Variants in CORO7 observed in about 807,000 individuals in gnomAD.
The protein encoded by CORO7 is coronin-7.
A neutral mutation model predicts 126.6 loss-of-function variants in CORO7; 107 were observed. The ratio of observed to expected loss-of-function variants is 0.85; its 90% CI spans 0.72 to 0.99. CORO7 has a LOEUF of 0.99. Among genes scored for constraint, CORO7 ranks in the 50% least tolerant of loss-of-function variants. The pLI is 0.00. For synonymous variants in CORO7, 603 were observed against 536.8 expected, an observed-to-expected ratio of 1.12 and a Z score of -1.70; for missense variants, 1,314 against 1,255.8, an observed-to-expected ratio of 1.05 and a Z score of -0.70.
intron 19 of CORO7, 90 bp downstream of exon 19, chr16:4,360,853 G>T: frequency 6.7e-7 from 1 of 1,502,236 alleles, no homozygotes; most frequent in Non-Finnish European, 8.9e-7. Context: ...CTCACTGCTG[G>T]CCCCGCCACT....
chr16:4,381,691 A>G, intron 9 of CORO7: 1 of 1,607,796 alleles, frequency 6.2e-7, no homozygotes, highest in Non-Finnish European at 8.5e-7. Context: ...GCTGGATGTG[A>G]GCAACCTAAG....
At chr16:4,413,597 G>A (rs539735312) in intron 1 of CORO7, 193 bp from the exon 2 acceptor site, 422 of 506,986 alleles carry the variant, frequency 8.3e-4, no homozygotes, top group Non-Finnish European at 1.4e-3. Flanking sequence ...GAGTGCAGTG[G>A]CGCGATCTTG....
chr16:4,362,667 G>C lies in CORO7; in HGVS notation c.1347C>G (p.Ser449=). 1.3e-6 allele frequency: 2 copies of C among 1,521,818 alleles called. No individual in the cohort carries two copies. The highest frequency in any genetic ancestry group is 1.8e-6 in the Non-Finnish European group (2 of 1,137,436). 94.3% of individuals were successfully genotyped at this position (1,521,818 alleles called of 1,614,324 possible). A position where few individuals can be genotyped will look rare whatever the true frequency, so the allele number is the denominator to read the frequency against. ...STPSSLGPSL[S]STSGIGTSPS... Reference sequence around the variant, plus strand: ...GGCTGGTCCCGATGCCACTGGTGCTGGAGAGTGAGGGCCCCAGGCTGGAGG... The same window carrying C: ...GGCTGGTCCCGATGCCACTGGTGCTCGAGAGTGAGGGCCCCAGGCTGGAGG... Residue 449 remains serine, a synonymous_variant, in exon 15 of 28, where the codon TCC becomes TCG. Transcript: ENST00000251166. The surrounding 1 kb of genome is among the most constrained non-coding windows in gnomAD (Gnocchi z 5.3).
intron 9 of CORO7, chr16:4,383,345 G>A (rs1361999282): frequency 2.2e-5 from 4 of 184,150 alleles, no homozygotes; most frequent in Non-Finnish European, 3.7e-5. Context: ...AAAAGAAACT[G>A]GAAAGGAAGA....
rs776568152 is a variant in CORO7 at position 4,405,527 on chromosome 16, C to G, written c.528G>C (p.Trp176Cys). ...TGCCCACCAGGGCTCCATCTCGGCT[C>G]CAGACGGCGCTCTGCACCAGGTCCC... is the stretch of plus-strand genomic sequence containing the variant. ...AHGDLVQSAV[W>C]SRDGALVGTA... The change falls in exon 6 of 28, where the codon TGG becomes TGC. Residue 176 changes from tryptophan to cysteine, a missense_variant. By Grantham distance (215) the Trp-to-Cys change is radical. Coordinates refer to ENST00000251166, the MANE Select transcript of CORO7 (RefSeq NM_024535.5). 19 of 1,613,000 alleles carry G rather than the reference C, an allele frequency of 1.2e-5. No homozygotes were observed. Among genetic ancestry groups the G allele is most frequent in the Middle Eastern group, 3.3e-4 (2 of 6,056 alleles).
At position 4,359,330 on chromosome 16, in the gene CORO7, T is replaced by A; in HGVS notation, c.2306A>T (p.Glu769Val). 9.9e-6 allele frequency: 16 copies of A among 1,612,380 alleles called. No homozygotes were observed. The highest frequency in any genetic ancestry group is 1.4e-5 in the Non-Finnish European group (16 of 1,179,608). Residue 769 changes from glutamate to valine, a missense_variant, in exon 23 of 28, where the codon GAG becomes GTG. Transcript: ENST00000251166. Reference sequence around the variant, plus strand: ...GTCAGGCGACGTGAAGCTGTTGCACTCCAGGAAGAAAGGGGACTCGGGGAG... The same window carrying A: ...GTCAGGCGACGTGAAGCTGTTGCACACCAGGAAGAAAGGGGACTCGGGGAG... ...ELLPESPFFL[E>V]CNSFTSPDPH...
At chr16:4,400,743 C>G (rs1177248741) in intron 6 of CORO7, among the ~76,000 whole-genome samples, 1 of 151,440 alleles carries the variant, frequency 6.6e-6, no homozygotes, top group African/African-American at 2.4e-5. Context: ...TCACTTGAAC[C>G]CAGAAGGCGG....
At chr16:4,411,722 G>T (rs894937409) in intron 3 of CORO7, among the ~76,000 whole-genome samples, 1 of 151,820 alleles carries the variant, frequency 6.6e-6, no homozygotes, top group African/African-American at 2.4e-5. Context: ...TCCCTCACCC[G>T]AAGGCCTCCA....
At chr16:4,411,857 C>T (rs2056223861) in intron 3 of CORO7, among the ~76,000 whole-genome samples, 1 of 151,922 alleles carries the variant, frequency 6.6e-6, no homozygotes. Context: ...TCCCTCGAGG[C>T]GGACAGCCTG....
intron 7 of CORO7, among the ~76,000 whole-genome samples, chr16:4,394,387 T>G (rs2055505682): frequency 6.7e-6 from 1 of 149,242 alleles, no homozygotes; most frequent in African/African-American, 2.5e-5. Context: ...AGGCGGAACT[T>G]GCAGTGAGCC....
At chr16:4,384,213 G>A (rs1289780802) in intron 9 of CORO7, among the ~76,000 whole-genome samples, 2 of 152,248 alleles carry the variant, frequency 1.3e-5, no homozygotes, top group African/African-American at 4.8e-5. Flanking sequence ...TGCAGACGGT[G>A]CCAGGATTGG....
chr16:4,392,853 G>A (rs967802503), intron 7 of CORO7, among the ~76,000 whole-genome samples: 26 of 152,200 alleles, frequency 1.7e-4, no homozygotes, highest in African/African-American at 6.0e-4. Flanking sequence ...ACCAGGGCCC[G>A]AGCACAGGCC....
intron 24 of CORO7, 39 bp downstream of exon 24, chr16:4,358,328 A>C: frequency 6.2e-7 from 1 of 1,601,786 alleles, no homozygotes; most frequent in Non-Finnish European, 8.5e-7. Flanking sequence ...AGGCACCGAG[A>C]AGGCGGTGGG....
intron 9 of CORO7, among the ~76,000 whole-genome samples, chr16:4,378,795 G>A (rs553086309): frequency 1.7e-4 from 26 of 151,978 alleles, no homozygotes; most frequent in African/African-American, 5.8e-4. Flanking sequence ...GGAGGTGAGG[G>A]GGCACACGAC....
At chr16:4,355,437 A>G (rs2053946262) in intron 26 of CORO7, 65 bp from the exon 27 acceptor site, 7 of 1,529,664 alleles carry the variant, frequency 4.6e-6, no homozygotes, top group African/African-American at 2.7e-5. Context: ...CTCCCACTCC[A>G]AGAACAACCC....
intron 1 of CORO7, 78 bp downstream of exon 1, chr16:4,416,381 C>A: frequency 4.1e-6 from 6 of 1,457,148 alleles, no homozygotes; most frequent in Non-Finnish European, 5.4e-6. Flanking sequence ...GGAGGGCACC[C>A]CTGTGGGGTC....
rs1339995306 is a variant in CORO7 at position 4,358,006 on chromosome 16, G to C, written c.2555C>G (p.Pro852Arg). The change falls in exon 25 of 28, where the codon CCC becomes CGC. Residue 852 changes from proline to arginine, a missense_variant. Coordinates refer to ENST00000251166, the MANE Select transcript of CORO7 (RefSeq NM_024535.5). ...EAWLQGANGQ[P>R]WLLSLQPPDM... Reference sequence around the variant, plus strand: ...AGGAGGCTGCAGGCTGAGAAGCCAGGGCTGCCCATTAGCGCCTTGCAGCCA... The same window carrying C: ...AGGAGGCTGCAGGCTGAGAAGCCAGCGCTGCCCATTAGCGCCTTGCAGCCA... The C allele has an allele frequency of 6.2e-7, 1 of 1,611,958 alleles. No individual in the cohort carries two copies. Among genetic ancestry groups the C allele is most frequent in the South Asian group, 1.1e-5 (1 of 91,032 alleles).
chr16:4,357,247 G>T lies in CORO7; in HGVS notation c.2606C>A (p.Pro869His). 6.2e-7 allele frequency: 1 copy of T among 1,613,332 alleles called. No homozygotes were observed. Among genetic ancestry groups the T allele is most frequent in the Non-Finnish European group, 8.5e-7 (1 of 1,179,760 alleles). ...PPDMSPVSQA[P>H]REAPARRAPS... ...GGCCCGACGAGCAGGGGCCTCTCGGGGGGCTTGGCTCACTGGGACAGAGCA... is the reference window on the plus strand; with the variant it reads ...GGCCCGACGAGCAGGGGCCTCTCGGTGGGCTTGGCTCACTGGGACAGAGCA... The change falls in exon 26 of 28, where the codon CCC (proline) becomes CAC (histidine). Residue 869 changes from proline (P) to histidine (H), a missense_variant. Coordinates refer to ENST00000251166, the MANE Select transcript of CORO7 (RefSeq NM_024535.5).
At chr16:4,375,334 A>G (rs71388572) in intron 9 of CORO7, among the ~76,000 whole-genome samples, 1,529 of 152,332 alleles carry the variant, frequency 0.01, 17 homozygotes, top group Non-Finnish European at 0.014. Context: ...CACCTGCTCC[A>G]GGATACAGAG....
Sources: gnomAD v4.1 joint callset for allele counts (sites outside exome capture counted in the v4.1 genomes callset) on GRCh38, gnomAD v4.1.1 for gene constraint, Gnocchi (gnomAD v3.1) non-coding constraint, MANE v1.5 for transcripts, NCBI Gene and HGNC (gene_info 2026-07-23, HGNC 2026-07-21) for gene names.